Variants in TMEM67 observed in about 807,000 individuals in gnomAD.
TMEM67 encodes the protein meckelin.
TMEM67 carries 124 observed loss-of-function variants against 136.6 expected under a neutral mutation model. The observed-to-expected ratio is 0.91, with a 90% CI of 0.78 to 1.05. The LOEUF (loss-of-function observed/expected upper bound fraction) is 1.05, where lower values mean the gene tolerates loss of function less well. Among genes scored for constraint, TMEM67 ranks in the 50% least tolerant of loss-of-function variants. The probability of loss-of-function intolerance (pLI) is 0.00; values close to 1 mark genes in which losing one functional copy is unlikely to be tolerated. For synonymous variants in TMEM67, 364 were observed against 390.5 expected (o/e 0.93, Z 0.80); for missense variants, 1,107 against 1,178.4 (o/e 0.94, Z 0.89).
At chr8:93,800,991 TA>T (rs1213405751) in intron 21 of TMEM67, among the ~76,000 whole-genome samples, 1 of 150,164 alleles carries the variant, frequency 6.7e-6, no homozygotes, top group Non-Finnish European at 1.5e-5. Flanking sequence ...ATGTATCTAG[TA>T]GAGGCCATAA....
intron 7 of TMEM67, 25 bp from the exon 8 acceptor site, chr8:93,780,568 T>C: frequency 1.9e-6 from 3 of 1,613,982 alleles, no homozygotes; most frequent in Non-Finnish European, 1.7e-6. Context: ...TCATGTTACT[T>C]TTCTTTGCCA....
At chr8:93,785,094 T>C (rs1008865159) in intron 11 of TMEM67, 128 bp from the exon 12 acceptor site, 1 of 707,816 alleles carries the variant, frequency 1.4e-6, no homozygotes, top group Non-Finnish European at 2.4e-6. Flanking sequence ...TTTGCAAAAC[T>C]AGAAAAACAC....
At chr8:93,793,765 C>G (rs1327390340) in intron 16 of TMEM67, among the ~76,000 whole-genome samples, 2 of 151,814 alleles carry the variant, frequency 1.3e-5, no homozygotes, top group Non-Finnish European at 2.9e-5. Context: ...AATAGTAACC[C>G]CTTTTTGGTT....
intron 7 of TMEM67, 143 bp downstream of exon 7, chr8:93,772,794 G>A: frequency 1.6e-6 from 1 of 629,960 alleles, no homozygotes; most frequent in Non-Finnish European, 2.7e-6. Context: ...TTTCTTGTGG[G>A]CTGAAAGAGA....
In TMEM67 at chr8:93,780,953, A is replaced by G; in HGVS notation, c.949A>G (p.Thr317Ala). Reference protein sequence around the residue: ...PQVLSSTSLPTNFSFKGENQN... With the variant: ...PQVLSSTSLPANFSFKGENQN... ...AGTGCTCAGTTCTACCTCTCTTCCT[A>G]CAAATTTCAGTTTTAAAGGAGAAAA... The change falls in exon 9 of 28, where the codon ACA becomes GCA. Residue 317 changes from threonine (T) to alanine (A), a missense_variant. Thr to Ala is a moderately conservative substitution (Grantham distance 58). Around this residue, in one of 3 missense-constraint regions of TMEM67, gnomAD observed 925 missense variants for 1,002.4 expected, o/e 0.92. Coordinates refer to ENST00000453321, the MANE Select transcript of TMEM67 (RefSeq NM_153704.6). 6.2e-7 allele frequency: 1 copy of G among 1,611,488 alleles called. No homozygotes were observed. Among genetic ancestry groups the G allele is most frequent in the South Asian group, 1.1e-5 (1 of 90,978 alleles).
chr8:93,810,409 G>A (rs948991172), intron 26 of TMEM67, among the ~76,000 whole-genome samples: 20 of 151,768 alleles, frequency 1.3e-4, no homozygotes, highest in African/African-American at 4.6e-4. Flanking sequence ...GGTGAAACCC[G>A]TCTTTACTAA....
At chr8:93,774,101 G>A (rs184690717) in intron 7 of TMEM67, among the ~76,000 whole-genome samples, 2 of 151,366 alleles carry the variant, frequency 1.3e-5, no homozygotes, top group Admixed American at 6.6e-5. Flanking sequence ...TGCAACCTCC[G>A]CCTCCTGGGC....
intron 7 of TMEM67, among the ~76,000 whole-genome samples, chr8:93,775,886 G>A (rs560421113): frequency 6.6e-6 from 1 of 152,254 alleles, no homozygotes; most frequent in Non-Finnish European, 1.5e-5. Flanking sequence ...CCAATTCTGT[G>A]AAGAAAGTCA....
rs1400388567 is a variant in TMEM67, at chr8:93,795,496, A to G, written c.1762A>G (p.Ile588Val). 6.2e-7 allele frequency: 1 copy of G among 1,613,440 alleles called. No homozygotes were observed. Residue 588 changes from isoleucine (I) to valine (V), a missense_variant, in exon 17 of 28, where the codon ATT becomes GTT. By Grantham distance (29) the Ile-to-Val change is conservative. Coordinates refer to ENST00000453321, the MANE Select transcript of TMEM67 (RefSeq NM_153704.6). ...AGTGGGAACAGGTCTTTACTGGCTT[A>G]TTTTCTTCAAAGTGAGTGAGTTTCT... is the stretch of plus-strand genomic sequence containing the variant. ...ITVGTGLYWL[I>V]FFKAQKSVSV...
chr8:93,797,297 A>G, intron 19 of TMEM67, 34 bp from the exon 20 acceptor site: 1 of 1,613,958 alleles, frequency 6.2e-7, no homozygotes, highest in Non-Finnish European at 8.5e-7. Context: ...CAAAGGAGGT[A>G]AAACTCTTTT....
chr8:93,760,190 A>T (rs1812766111), intron 3 of TMEM67, among the ~76,000 whole-genome samples: 1 of 152,212 alleles, frequency 6.6e-6, no homozygotes, highest in Non-Finnish European at 1.5e-5. Flanking sequence ...GTTTAACAGG[A>T]AAGTTATATG....
chr8:93,815,457 T>A lies in TMEM67; in HGVS notation c.2907+10T>A. On this transcript the variant is annotated intron_variant, in intron 27 of 27. Coordinates refer to ENST00000453321, the MANE Select transcript of TMEM67 (RefSeq NM_153704.6). The stretch of plus-strand genomic sequence containing the variant: ...ATATCTACAACAAGAGGTAAACTTT[T>A]AAAATTTTTCTACATTTTCCTTCAT... 1 of 1,609,338 alleles carries A rather than the reference T, an allele frequency of 6.2e-7. No homozygotes were observed. Among genetic ancestry groups the A allele is most frequent in the Non-Finnish European group, 8.5e-7 (1 of 1,177,836 alleles).
Position 93,765,574 on chromosome 8 carries a change from A to G in TMEM67, c.579A>G (p.Thr193=), listed in dbSNP as rs781201227. 21 of 1,611,192 alleles carry G rather than the reference A, an allele frequency of 1.3e-5. No individual in the cohort carries two copies. The highest frequency in any genetic ancestry group is 1.7e-5 in the Admixed American group (1 of 59,982). ...SCACSEPNIL[T]GGLCFSSTGN... ...TTTTCCCTCATTTATTTATGAAGAC[A>G]GGGGGATTATGTTTCAGCAGCACAG... Residue 193 remains threonine, a splice_region_variant and synonymous_variant, in exon 6 of 28, where the codon ACA becomes ACG. Coordinates refer to ENST00000453321, the MANE Select transcript of TMEM67 (RefSeq NM_153704.6).
At position 93,814,135 on chromosome 8, in the gene TMEM67, CTTTTTTTTTTTT is replaced by C. The variant is rs55774610; in HGVS notation, c.2765-1159_2765-1148del. On this transcript the variant is annotated intron_variant, in intron 26 of 27. Transcript: ENST00000453321. ...TGTTTGCAAGAGTTGTATATGTATA[CTTTTTTTTTTTT>C]TTTTTTTTTTGAGACGTAGTATTGC... Among the ~76,000 whole-genome samples, 13 of 60,780 alleles carry C rather than the reference CTTTTTTTTTTTT, an allele frequency of 2.1e-4. No homozygotes were observed. In the East Asian group the frequency reaches 5.3e-3, roughly 25 times the overall value. The allele number at this position is 60,780 out of a possible 152,430, so 39.9% of individuals were successfully genotyped here.
Position 93,817,587 on chromosome 8 carries a change from T to G in TMEM67, c.*1135T>G, listed in dbSNP as rs548282373. ...TTCTCACTGCTTTCTATGTTAATGC[T>G]GTGTAAATACTTAAAATGGAATACT... is the stretch of plus-strand genomic sequence containing the variant. On this transcript the variant is annotated 3_prime_UTR_variant, in exon 28 of 28. Coordinates refer to ENST00000453321, the MANE Select transcript of TMEM67 (RefSeq NM_153704.6). 19 of 152,348 alleles carry G rather than the reference T, an allele frequency of 1.2e-4. No individual in the cohort carries two copies. The East Asian group carries it at 3.3e-3, about 26-fold the overall frequency. The allele number at this position is 152,348 out of a possible 1,614,324, so 9.4% of individuals were successfully genotyped here. A position where few individuals can be genotyped will look rare whatever the true frequency, so the allele number is the denominator to read the frequency against.
rs1463171314 is a variant in TMEM67, at chr8:93,787,883, C to T, written c.1452C>T (p.Tyr484=). 2 of 1,614,004 alleles carry T rather than the reference C, an allele frequency of 1.2e-6. No individual in the cohort carries two copies. Among genetic ancestry groups the T allele is most frequent in the Non-Finnish European group, 1.7e-6 (2 of 1,179,948 alleles). ...CCAACACAATAAATGGAAACATCTACCCTCCCTTAATCACCATTGCCTACA... is the reference window on the plus strand; with the variant it reads ...CCAACACAATAAATGGAAACATCTATCCTCCCTTAATCACCATTGCCTACA... ...LVPNTINGNI[Y]PPLITIAYSD... The change falls in exon 14 of 28, where the codon TAC becomes TAT. Residue 484 remains tyrosine (Y), a synonymous_variant. Transcript: ENST00000453321.
chr8:93,760,616 C>T (rs1812785602), intron 3 of TMEM67, among the ~76,000 whole-genome samples: 1 of 150,662 alleles, frequency 6.6e-6, no homozygotes, highest in Admixed American at 6.6e-5. Context: ...CTAGGTGGGA[C>T]GATTACTTGA....
rs556221954 is a variant in TMEM67 at position 93,805,365 on chromosome 8, C to T, written c.2439+487C>T. Among the ~76,000 whole-genome samples the T allele has an allele frequency of 2.0e-4, 30 of 152,104 alleles. No individual in the cohort carries two copies. In the South Asian group the frequency reaches 3.3e-3, roughly 17 times the overall value. Reference sequence around the variant, plus strand: ...TTGGGAGGCCGAGGTGGGCAGATCACGAGGTCAGGAGATTGAGACCATCTT... The same window carrying T: ...TTGGGAGGCCGAGGTGGGCAGATCATGAGGTCAGGAGATTGAGACCATCTT... On this transcript the variant is annotated intron_variant, in intron 23 of 27. Coordinates refer to ENST00000453321, the MANE Select transcript of TMEM67 (RefSeq NM_153704.6).
Position 93,780,832 on chromosome 8 carries a change from A to G in TMEM67, c.870-42A>G, listed in dbSNP as rs770012430. The G allele has an allele frequency of 2.5e-6, 4 of 1,592,234 alleles. No individual in the cohort carries two copies. In the South Asian group the frequency reaches 4.4e-5, roughly 18 times the overall value. On this transcript the variant is annotated intron_variant, in intron 8 of 27. Transcript: ENST00000453321. ...TATTCACAAATACTAATAATAAGAA[A>G]TATTTATTCTCCATTATTAAAACAG...
Sources: allele counts gnomAD v4.1 joint callset (sites outside exome capture counted in the v4.1 genomes callset), GRCh38; gene constraint gnomAD v4.1.1; regional missense constraint gnomAD v4.1.1; transcripts MANE v1.5; gene names NCBI Gene and HGNC (gene_info 2026-07-23, HGNC 2026-07-21).